The following RBFOX3 variants were observed in gnomAD, a reference collection of about 807,000 sequenced individuals.
RBFOX3 encodes the protein RNA binding fox-1 homolog 3, also known as RNA binding protein fox-1 homolog 3.
Under a neutral mutation model 48.7 loss-of-function variants are expected in RBFOX3, and 17 were observed. That is an observed-to-expected ratio of 0.35 (90% CI 0.24 to 0.52). RBFOX3 has a LOEUF of 0.52. Ranked by LOEUF, RBFOX3 falls within the 20% of genes least tolerant of loss-of-function variation. RBFOX3 has a pLI of 0.94. For synonymous variants in RBFOX3, 212 were observed against 209.5 expected (o/e 1.01, Z -0.10); for missense variants, 382 against 497.5 (o/e 0.77, Z 2.21).
rs1489901176 is a variant in RBFOX3, at chr17:79,443,397, CT to C, written c.-175+39056del. Among the ~76,000 whole-genome samples the C allele has an allele frequency of 6.6e-6, 1 of 150,452 alleles. No individual in the cohort carries two copies. Among genetic ancestry groups the C allele is most frequent in the Non-Finnish European group, 1.5e-5 (1 of 67,528 alleles). On this transcript the variant is annotated intron_variant, in intron 2 of 14. Coordinates refer to ENST00000693108, the MANE Select transcript of RBFOX3 (RefSeq NM_001350451.2). The surrounding 1 kb of genome is among the most constrained non-coding windows in gnomAD (Gnocchi z 4.4). ...ATACACCCTTGCCTCTTTTTTTTTT[CT>C]TTTGAGACAGTCTTGCTCTGTCGCC...
chr17:79,562,211 C>A (rs1384571684), intron 1 of RBFOX3, among the ~76,000 whole-genome samples: 1 of 152,210 alleles, frequency 6.6e-6, no homozygotes, highest in Non-Finnish European at 1.5e-5. Flanking sequence ...GAATAGCATG[C>A]CGGCTGAGAC....
intron 2 of RBFOX3, among the ~76,000 whole-genome samples, chr17:79,429,162 C>T (rs1043583846): frequency 1.3e-5 from 2 of 152,256 alleles, no homozygotes; most frequent in Admixed American, 1.3e-4. Flanking sequence ...CACACACGGC[C>T]GTGGAGCATG....
At chr17:79,487,405 G>A (rs949843403) in intron 1 of RBFOX3, among the ~76,000 whole-genome samples, 5 of 152,224 alleles carry the variant, frequency 3.3e-5, no homozygotes, top group East Asian at 1.9e-4. Flanking sequence ...GCCGGGTGGC[G>A]GGGAGGCCAG....
rs761552398 is a variant in RBFOX3, at chr17:79,243,623, C to T, written c.-73-7818G>A. 5.3e-5 allele frequency among the ~76,000 whole-genome samples: 8 copies of T among 152,088 alleles called. No individual in the cohort carries two copies. The highest frequency in any genetic ancestry group is 1.2e-4 in the Non-Finnish European group (8 of 68,008). On this transcript the variant is annotated intron_variant, in intron 3 of 14. Transcript: ENST00000693108. This position sits in a 1 kb window ranked among gnomAD's most constrained non-coding sequence, Gnocchi z 7.9. ...GGGTGTGGGGAAGGTGCTGGCTTTG[C>T]ATGAGCGGAACTTAGCGCACACCTG... is the stretch of plus-strand genomic sequence containing the variant.
intron 4 of RBFOX3, among the ~76,000 whole-genome samples, chr17:79,127,554 GATT>G (rs545489075): frequency 1.8e-3 from 277 of 152,264 alleles, no homozygotes; most frequent in Non-Finnish European, 3.1e-3. Context: ...GAAAATAAAA[GATT>G]ATCTAAAACG....
chr17:79,276,461 G>A (rs576965704), intron 3 of RBFOX3, among the ~76,000 whole-genome samples: 3 of 152,238 alleles, frequency 2.0e-5, no homozygotes, highest in South Asian at 2.1e-4. Flanking sequence ...TGAGGCGGGC[G>A]GATCACCTGA....
At chr17:79,491,514 A>T (rs1475378869) in intron 1 of RBFOX3, among the ~76,000 whole-genome samples, 1 of 151,980 alleles carries the variant, frequency 6.6e-6, no homozygotes, top group East Asian at 1.9e-4. Context: ...GGAAGGGCGG[A>T]TGGAGTTAGT....
intron 3 of RBFOX3, among the ~76,000 whole-genome samples, chr17:79,256,452 C>A (rs1008381108): frequency 2.6e-5 from 4 of 152,228 alleles, no homozygotes; most frequent in Non-Finnish European, 5.9e-5. Context: ...GTCCCTAAAT[C>A]AATAATTCAT....
chr17:79,208,036 G>T (rs1599987870), intron 4 of RBFOX3, among the ~76,000 whole-genome samples: 1 of 152,098 alleles, frequency 6.6e-6, no homozygotes, highest in Non-Finnish European at 1.5e-5. Context: ...CCAGCTCTTG[G>T]TGTCTCCCTC....
At chr17:79,512,778 C>T (rs373638915) in intron 1 of RBFOX3, among the ~76,000 whole-genome samples, 2 of 104,140 alleles carry the variant, frequency 1.9e-5, no homozygotes, top group South Asian at 5.9e-4. Flanking sequence ...CACCCGGATA[C>T]GTGTTACCAT....
chr17:79,537,405 G>T (rs1555789016), intron 1 of RBFOX3, among the ~76,000 whole-genome samples: 1 of 152,138 alleles, frequency 6.6e-6, no homozygotes, highest in African/African-American at 2.4e-5. Context: ...TTAACTTGAT[G>T]AAATCTGTAA....
rs563587642 is a variant in RBFOX3 at position 79,260,781 on chromosome 17, T to C, written c.-73-24976A>G. On this transcript the variant is annotated intron_variant, in intron 3 of 14. Transcript: ENST00000693108. ...CGCTGTAAAGTGCGAGAAAATGGCATGTAGGAGAGGATTTTCAGTCCACAT... is the reference window on the plus strand; with the variant it reads ...CGCTGTAAAGTGCGAGAAAATGGCACGTAGGAGAGGATTTTCAGTCCACAT... 7.9e-5 allele frequency among the ~76,000 whole-genome samples: 12 copies of C among 152,278 alleles called. No homozygotes were observed. The South Asian group carries it at 1.9e-3, about 24-fold the overall frequency.
chr17:79,648,836 C>G, the RBFOX3 span, among the ~76,000 whole-genome samples: 1 of 152,182 alleles, frequency 6.6e-6, no homozygotes, highest in African/African-American at 2.4e-5. Context: ...CCGTTTCACA[C>G]CTGGCCCTTA....
intron 4 of RBFOX3, among the ~76,000 whole-genome samples, chr17:79,117,684 C>T (rs1458452820): frequency 1.3e-5 from 2 of 152,228 alleles, no homozygotes; most frequent in Non-Finnish European, 2.9e-5. Flanking sequence ...CCACCCCTAG[C>T]CTGTCCTCTG....
intron 2 of RBFOX3, among the ~76,000 whole-genome samples, chr17:79,437,394 C>T (rs1203532851): frequency 5.9e-5 from 9 of 152,222 alleles, no homozygotes; most frequent in Admixed American, 4.6e-4. Context: ...CAATAAATGA[C>T]GAGCCCAGGG....
chr17:79,283,736 A>G (rs1217328015), intron 3 of RBFOX3, among the ~76,000 whole-genome samples: 1 of 152,234 alleles, frequency 6.6e-6, no homozygotes, highest in Non-Finnish European at 1.5e-5. Context: ...GTCCTTGCCC[A>G]TCATGCAGAG....
chr17:79,388,255 G>T (rs979747806), intron 2 of RBFOX3, among the ~76,000 whole-genome samples: 1 of 152,226 alleles, frequency 6.6e-6, no homozygotes, highest in African/African-American at 2.4e-5. Flanking sequence ...CTCTATCACA[G>T]AAGAGTCATG....
At chr17:79,266,235 G>C (rs1397436830) in intron 3 of RBFOX3, among the ~76,000 whole-genome samples, 1 of 152,212 alleles carries the variant, frequency 6.6e-6, no homozygotes, top group Non-Finnish European at 1.5e-5. Flanking sequence ...TCCATCCCCA[G>C]CTGATGTGGG....
intron 3 of RBFOX3, among the ~76,000 whole-genome samples, chr17:79,250,813 T>TTC (rs1202571456): frequency 7.5e-6 from 1 of 132,982 alleles, no homozygotes; most frequent in Non-Finnish European, 1.6e-5. Context: ...CTCCCTCCCT[T>TTC]TCTCTCTCTC....
Sources: gnomAD v4.1 joint callset for allele counts (sites outside exome capture counted in the v4.1 genomes callset) on GRCh38, gnomAD v4.1.1 for gene constraint, Gnocchi (gnomAD v3.1) non-coding constraint, MANE v1.5 for transcripts, NCBI Gene and HGNC (gene_info 2026-07-23, HGNC 2026-07-21) for gene names.